CACNA2D3: variants seen among roughly 807,000 people sequenced by gnomAD.
CACNA2D3 encodes the protein voltage-dependent calcium channel subunit alpha-2/delta-3.
A neutral mutation model predicts 160.6 loss-of-function variants in CACNA2D3; 60 were observed. The observed-to-expected ratio is 0.37, with a 90% CI of 0.30 to 0.46. The LOEUF (loss-of-function observed/expected upper bound fraction) is 0.46, where lower values mean the gene tolerates loss of function less well. Ranked by LOEUF, CACNA2D3 falls within the 20% of genes least tolerant of loss-of-function variation. CACNA2D3 has a pLI of 1.00. For missense variants in CACNA2D3, 1,205 were observed against 1,365.0 expected (o/e 0.88, Z 1.85); for synonymous variants, 558 against 492.9 (o/e 1.13, Z -1.75).
chr3:54,771,052 T>C (rs1167126455), intron 13 of CACNA2D3, among the ~76,000 whole-genome samples: 1 of 152,202 alleles, frequency 6.6e-6, no homozygotes, highest in East Asian at 1.9e-4. Flanking sequence ...GTTTGTGTCA[T>C]CCTTGGTTGA....
At chr3:54,734,601 T>C (rs1701459742) in intron 11 of CACNA2D3, among the ~76,000 whole-genome samples, 1 of 152,206 alleles carries the variant, frequency 6.6e-6, no homozygotes, top group Non-Finnish European at 1.5e-5. Context: ...ACCCTGGTTG[T>C]TTCATTTGGG....
intron 4 of CACNA2D3, among the ~76,000 whole-genome samples, chr3:54,418,318 GAAATGTTTTTGTGTGTGTATTTTA>G (rs952675774): frequency 2.0e-5 from 3 of 152,154 alleles, no homozygotes; most frequent in African/African-American, 7.2e-5. Flanking sequence ...GTTTCACCAT[GAAATGTTTTTGTGTGTGTATTTTA>G]AAGCCTTTTG....
chr3:54,359,936 G>A (rs1553635314), intron 3 of CACNA2D3, among the ~76,000 whole-genome samples: 1 of 152,138 alleles, frequency 6.6e-6, no homozygotes, highest in Non-Finnish European at 1.5e-5. Flanking sequence ...GATTCTGTTG[G>A]CAGGTGGAGG....
At chr3:54,544,339 C>G (rs918753400) in intron 5 of CACNA2D3, among the ~76,000 whole-genome samples, 2 of 148,304 alleles carry the variant, frequency 1.3e-5, no homozygotes, top group Non-Finnish European at 3.0e-5. Flanking sequence ...ATCTTTATAT[C>G]TTTTGTTATT....
intron 27 of CACNA2D3, among the ~76,000 whole-genome samples, chr3:54,906,915 C>CAGCTG (rs1214304778): frequency 1.3e-5 from 2 of 152,128 alleles, no homozygotes; most frequent in Non-Finnish European, 2.9e-5. Flanking sequence ...GACATTAGAG[C>CAGCTG]AGCTGCTCTG....
intron 18 of CACNA2D3, chr3:54,875,524 T>G (rs1421141207): frequency 2.6e-5 from 4 of 152,180 alleles, no homozygotes; most frequent in African/African-American, 9.7e-5. Context: ...GAGCTATCAT[T>G]CCATAATCAT....
intron 9 of CACNA2D3, among the ~76,000 whole-genome samples, chr3:54,624,034 TGA>T (rs376584763): frequency 6.6e-6 from 1 of 151,200 alleles, no homozygotes; most frequent in Non-Finnish European, 1.5e-5. Context: ...GAGTTGGACA[TGA>T]GAGAGAGAGA....
chr3:54,890,438 GTGA>G (rs1382020298), intron 24 of CACNA2D3, among the ~76,000 whole-genome samples: 2 of 148,412 alleles, frequency 1.3e-5, no homozygotes, highest in Non-Finnish European at 3.0e-5. Flanking sequence ...GGAGCTTGCA[GTGA>G]GCCGAGATAG....
intron 4 of CACNA2D3, among the ~76,000 whole-genome samples, chr3:54,480,564 T>G (rs1363238946): frequency 6.6e-6 from 1 of 152,086 alleles, no homozygotes; most frequent in Non-Finnish European, 1.5e-5. Context: ...AAAGCAGGGG[T>G]CACAAACAAG....
At chr3:54,385,953 A>G (rs1435252452) in intron 3 of CACNA2D3, 3 of 507,296 alleles carry the variant, frequency 5.9e-6, no homozygotes, top group African/African-American at 1.9e-5. Context: ...CCTCTAGCCT[A>G]TATTTTCAAG....
chr3:54,931,753 A>G (rs1701196179), intron 27 of CACNA2D3, among the ~76,000 whole-genome samples: 1 of 152,228 alleles, frequency 6.6e-6, no homozygotes, highest in Admixed American at 6.5e-5. Context: ...AATGTTTTCT[A>G]ATATGTTAGT....
intron 35 of CACNA2D3, among the ~76,000 whole-genome samples, chr3:55,044,470 T>C (rs1252977148): frequency 6.6e-6 from 1 of 150,832 alleles, no homozygotes; most frequent in African/African-American, 2.5e-5. Flanking sequence ...CTAAACTAAC[T>C]TATTAGTCAA....
rs79631806 is a variant in CACNA2D3, at chr3:54,926,767, C to T, written c.2449+26899C>T. Among the ~76,000 whole-genome samples, 281 of 152,176 alleles carry T rather than the reference C, an allele frequency of 1.8e-3. 1 individual carries two copies. The highest frequency in any genetic ancestry group is 6.2e-3 in the African/African-American group (258 of 41,518). ...CCCACTCTTATGAGGGGTAGTTGAA[C>T]GGTTGCAGTTTTTTTCTTCATTCTA... On this transcript the variant is annotated intron_variant, in intron 27 of 37. Coordinates refer to ENST00000474759, the MANE Select transcript of CACNA2D3 (RefSeq NM_018398.3).
intron 27 of CACNA2D3, among the ~76,000 whole-genome samples, chr3:54,924,456 A>G (rs1183351578): frequency 6.6e-6 from 1 of 152,118 alleles, no homozygotes; most frequent in Non-Finnish European, 1.5e-5. Context: ...CCTTCTAATG[A>G]CTCACTTGAC....
chr3:54,813,230 T>G (rs999364077), intron 13 of CACNA2D3, among the ~76,000 whole-genome samples: 9 of 152,188 alleles, frequency 5.9e-5, no homozygotes, highest in African/African-American at 2.2e-4. Flanking sequence ...AACCCAATGC[T>G]GCCTGTCCAG....
chr3:54,621,501 C>T (rs1242788311), intron 9 of CACNA2D3, among the ~76,000 whole-genome samples: 2 of 152,192 alleles, frequency 1.3e-5, no homozygotes, highest in East Asian at 3.9e-4. Context: ...CTGCGTGAGT[C>T]GCTTGAAGCA....
Position 54,503,255 on chromosome 3 carries a change from G to A in CACNA2D3, c.382-237G>A, listed in dbSNP as rs138962767. ...CTATATGCACATAAGAAAGTACTGC[G>A]TTGCCCCTTAACATTTATGTTTTCT... On this transcript the variant is annotated intron_variant, in intron 4 of 37. Transcript: ENST00000474759. 1.2e-4 allele frequency among the ~76,000 whole-genome samples: 18 copies of A among 152,240 alleles called. No homozygotes were observed. In the East Asian group the frequency reaches 3.3e-3, roughly 28 times the overall value.
At chr3:54,727,729 G>A (rs905648838) in intron 11 of CACNA2D3, among the ~76,000 whole-genome samples, 8 of 152,172 alleles carry the variant, frequency 5.3e-5, no homozygotes, top group Non-Finnish European at 2.9e-5. Context: ...GGCATGAGGA[G>A]GGGAACATCA....
At chr3:54,613,430 G>A (rs1698784694) in intron 9 of CACNA2D3, among the ~76,000 whole-genome samples, 1 of 152,126 alleles carries the variant, frequency 6.6e-6, no homozygotes, top group Non-Finnish European at 1.5e-5. Context: ...TCCATTTCTT[G>A]TGAATTACAG....
Sources: allele counts gnomAD v4.1 joint callset (sites outside exome capture counted in the v4.1 genomes callset), GRCh38; gene constraint gnomAD v4.1.1; transcripts MANE v1.5; gene names NCBI Gene and HGNC (gene_info 2026-07-23, HGNC 2026-07-21).